The following SGCZ variants were observed in gnomAD, a reference collection of about 807,000 sequenced individuals.
SGCZ encodes sarcoglycan zeta, also known as zeta-sarcoglycan.
SGCZ carries 40 observed loss-of-function variants against 41.3 expected under a neutral mutation model. The observed-to-expected ratio is 0.97, with a 90% confidence interval of 0.75 to 1.26. SGCZ has a LOEUF of 1.26. Among genes scored for constraint, SGCZ ranks in the 50% most tolerant of loss-of-function variants. The pLI, the probability that SGCZ is intolerant of heterozygous loss-of-function variation, is 0.00. For synonymous variants in SGCZ, 206 were observed against 137.5 expected (o/e 1.50, Z -3.49); for missense variants, 552 against 369.8 (o/e 1.49, Z -4.04).
intron 2 of SGCZ, among the ~76,000 whole-genome samples, chr8:14,418,011 T>A (rs145622253): frequency 1.3e-5 from 2 of 151,678 alleles, no homozygotes; most frequent in African/African-American, 4.8e-5. Context: ...ACAAAAGGAG[T>A]CCTGATCCTT....
chr8:14,099,706 C>G (rs925486890), intron 7 of SGCZ, among the ~76,000 whole-genome samples: 1 of 151,986 alleles, frequency 6.6e-6, no homozygotes, highest in Non-Finnish European at 1.5e-5. Context: ...TCCTGGGCGA[C>G]AAGAGCGAGA....
chr8:14,672,343 AT>A (rs1278084590), intron 1 of SGCZ, among the ~76,000 whole-genome samples: 1 of 152,124 alleles, frequency 6.6e-6, no homozygotes, highest in African/African-American at 2.4e-5. Context: ...AGCTGTAAAT[AT>A]TTGCTGATTG....
intron 2 of SGCZ, among the ~76,000 whole-genome samples, chr8:14,377,634 T>C (rs1285534639): frequency 1.3e-5 from 2 of 151,922 alleles, no homozygotes; most frequent in African/African-American, 4.8e-5. Flanking sequence ...ACCCACTAAC[T>C]CGTCATCTAG....
chr8:14,372,971 TGACTTATAATAAA>T (rs1391007570), intron 2 of SGCZ, among the ~76,000 whole-genome samples: 2 of 152,200 alleles, frequency 1.3e-5, no homozygotes, highest in East Asian at 3.9e-4. Context: ...TGATATTATC[TGACTTATAATAAA>T]GACAGTAGTC....
intron 1 of SGCZ, among the ~76,000 whole-genome samples, chr8:15,075,500 G>A (rs1005965779): frequency 6.6e-6 from 1 of 152,036 alleles, no homozygotes; most frequent in Non-Finnish European, 1.5e-5. Context: ...GAAGCATTGT[G>A]GTTCCAGCCT....
At chr8:14,091,849 C>T (rs866641533) in intron 7 of SGCZ, among the ~76,000 whole-genome samples, 4 of 151,702 alleles carry the variant, frequency 2.6e-5, no homozygotes, top group South Asian at 2.1e-4. Flanking sequence ...TCCCATTTGT[C>T]GTCACTGCTT....
At chr8:15,112,834 T>A (rs557322881) in intron 1 of SGCZ, among the ~76,000 whole-genome samples, 1 of 152,310 alleles carries the variant, frequency 6.6e-6, no homozygotes, top group East Asian at 1.9e-4. Context: ...GAATGAGCTG[T>A]CTCTGGCAAG....
chr8:14,574,229 G>C (rs566714683), intron 1 of SGCZ, among the ~76,000 whole-genome samples: 74 of 152,182 alleles, frequency 4.9e-4, no homozygotes, highest in African/African-American at 1.8e-3. Context: ...CCAAAACGAA[G>C]GCCTCTGCAG....
At chr8:14,236,265 G>A (rs1050391255) in intron 4 of SGCZ, among the ~76,000 whole-genome samples, 1 of 152,012 alleles carries the variant, frequency 6.6e-6, no homozygotes, top group African/African-American at 2.4e-5. Flanking sequence ...TTTGCTAATA[G>A]CACCCCTCTA....
chr8:14,561,061 C>A (rs950136764), intron 1 of SGCZ, among the ~76,000 whole-genome samples: 2 of 151,960 alleles, frequency 1.3e-5, no homozygotes, highest in African/African-American at 2.4e-5. Context: ...GTTGTTAAAT[C>A]TGAGTGTTTT....
At chr8:14,126,682 C>G (rs1802871166) in intron 5 of SGCZ, among the ~76,000 whole-genome samples, 1 of 152,148 alleles carries the variant, frequency 6.6e-6, no homozygotes, top group Admixed American at 6.5e-5. Context: ...AAGATACACA[C>G]ACGTATGTTT....
intron 1 of SGCZ, among the ~76,000 whole-genome samples, chr8:15,107,452 A>C (rs1035496901): frequency 2.0e-5 from 3 of 152,118 alleles, no homozygotes; most frequent in African/African-American, 7.2e-5. Context: ...TTACCCATGA[A>C]AGCTGCCTGT....
chr8:14,280,800 GGTT>G (rs1354513743), intron 3 of SGCZ, among the ~76,000 whole-genome samples: 15 of 8,652 alleles, frequency 1.7e-3, no homozygotes, highest in South Asian at 7.0e-3. Flanking sequence ...TAAACTATAG[GGTT>G]TTTTTTTTTT....
intron 1 of SGCZ, among the ~76,000 whole-genome samples, chr8:14,636,402 T>C (rs895829602): frequency 1.3e-5 from 2 of 151,934 alleles, no homozygotes; most frequent in African/African-American, 4.8e-5. Flanking sequence ...CTAGTCTTAC[T>C]AAGCTATGAA....
intron 1 of SGCZ, among the ~76,000 whole-genome samples, chr8:14,910,599 T>C (rs1045199439): frequency 3.9e-5 from 6 of 152,000 alleles, no homozygotes; most frequent in African/African-American, 1.4e-4. Context: ...TCTAGAATTC[T>C]AGTTCATTTT....
chr8:14,423,778 C>A (rs1440561544), intron 2 of SGCZ, among the ~76,000 whole-genome samples: 1 of 152,058 alleles, frequency 6.6e-6, no homozygotes, highest in African/African-American at 2.4e-5. Flanking sequence ...TCCGTCCCCC[C>A]ATCTTTCTCT....
intron 4 of SGCZ, among the ~76,000 whole-genome samples, chr8:14,177,212 G>A (rs113350261): frequency 0.016 from 2,384 of 152,144 alleles, 59 homozygotes; most frequent in African/African-American, 0.054. Flanking sequence ...TGGGGACTGG[G>A]CACCTATTGC....
rs1000797115 is a variant in SGCZ at position 14,566,923 on chromosome 8, G to A, written c.40-11997C>T. Among the ~76,000 whole-genome samples, 7 of 152,180 alleles carry A rather than the reference G, an allele frequency of 4.6e-5. No homozygotes were observed. In the South Asian group the frequency reaches 8.3e-4, roughly 18 times the overall value. On this transcript the variant is annotated intron_variant, in intron 1 of 7. Transcript: ENST00000382080. Reference sequence around the variant, plus strand: ...GCTCGGCAGGCCCCACACTCAGAGCGGCCGGCTGGCCCCGCCAGCTGGCCC... The same window carrying A: ...GCTCGGCAGGCCCCACACTCAGAGCAGCCGGCTGGCCCCGCCAGCTGGCCC...
intron 1 of SGCZ, among the ~76,000 whole-genome samples, chr8:14,843,427 C>G (rs1159699502): frequency 6.6e-6 from 1 of 151,972 alleles, no homozygotes; most frequent in Non-Finnish European, 1.5e-5. Flanking sequence ...CTGAAAATGA[C>G]TTAGTATTTT....
Sources: allele counts gnomAD v4.1 joint callset (sites outside exome capture counted in the v4.1 genomes callset), GRCh38; gene constraint gnomAD v4.1.1; transcripts MANE v1.5; gene names NCBI Gene and HGNC (gene_info 2026-07-23, HGNC 2026-07-21).